The following ADAT2 variants were observed in gnomAD, a reference collection of about 807,000 sequenced individuals.
The protein encoded by ADAT2 is tRNA-specific adenosine-34 deaminase catalytic subunit ADAT2.
In ADAT2, 26 loss-of-function variants were observed where a neutral mutation model predicts 25.9. That is an observed-to-expected ratio of 1.00 (90% confidence interval 0.74 to 1.39). The LOEUF (loss-of-function observed/expected upper bound fraction) is 1.39. Among genes scored for constraint, ADAT2 ranks in the 40% most tolerant of loss-of-function variants. The pLI, the probability that ADAT2 is intolerant of heterozygous loss-of-function variation, is 0.00. For synonymous variants in ADAT2, 76 were observed against 86.8 expected, an observed-to-expected ratio of 0.88 and a Z score of 0.69; for missense variants, 220 against 244.8, an observed-to-expected ratio of 0.90 and a Z score of 0.68.
chr6:143,428,284 T>C lies in ADAT2; in HGVS notation c.*179A>G, dbSNP rs1188616297. Reference sequence around the variant, plus strand: ...TGGAAAAGCTAATAACTGTTTACAATTGTCAGACTTCTAAAAAGTGCTAAT... The same window carrying C: ...TGGAAAAGCTAATAACTGTTTACAACTGTCAGACTTCTAAAAAGTGCTAAT... On this transcript the variant is annotated 3_prime_UTR_variant, in exon 6 of 6. Transcript: ENST00000237283. This position sits in a 1 kb window ranked among gnomAD's most constrained non-coding sequence, Gnocchi z 5.0. 2 of 646,066 alleles carry C rather than the reference T, an allele frequency of 3.1e-6. No individual in the cohort carries two copies. The highest frequency in any genetic ancestry group is 5.3e-6 in the Non-Finnish European group (2 of 377,668). 40.0% of individuals were successfully genotyped at this position (646,066 alleles called of 1,614,324 possible).
At position 143,432,475 on chromosome 6, in the gene ADAT2, G is replaced by A; in HGVS notation, c.459+30C>T. ...ATAAAGAGATGAAAATAATTAGCAAGAAAGAAAAAGCATAAGCAGTTTGTA... is the reference window on the plus strand; with the variant it reads ...ATAAAGAGATGAAAATAATTAGCAAAAAAGAAAAAGCATAAGCAGTTTGTA... On this transcript the variant is annotated intron_variant, in intron 4 of 5. Transcript: ENST00000237283. This position sits in a 1 kb window ranked among gnomAD's most constrained non-coding sequence, Gnocchi z 4.4. 6.3e-7 allele frequency: 1 copy of A among 1,582,252 alleles called. No individual in the cohort carries two copies. Among genetic ancestry groups the A allele is most frequent in the Non-Finnish European group, 8.7e-7 (1 of 1,151,246 alleles).
intron 1 of ADAT2, chr6:143,449,804 G>C (rs559895874): frequency 6.6e-6 from 1 of 152,196 alleles, no homozygotes; most frequent in Non-Finnish European, 1.5e-5. Context: ...ATAGAAACTA[G>C]GGTTGTCTAC....
At chr6:143,448,859 C>A (rs561242704) in intron 1 of ADAT2, among the ~76,000 whole-genome samples, 1 of 152,146 alleles carries the variant, frequency 6.6e-6, no homozygotes, top group East Asian at 1.9e-4. Context: ...AAAAAATCTT[C>A]TAAAAATAAA....
intron 1 of ADAT2, among the ~76,000 whole-genome samples, chr6:143,443,244 A>G (rs1779512717): frequency 6.6e-6 from 1 of 152,028 alleles, no homozygotes; most frequent in African/African-American, 2.4e-5. Flanking sequence ...TCATTTGTTC[A>G]ACAAACATTT....
chr6:143,446,459 T>A lies in ADAT2; in HGVS notation c.96+4104A>T, dbSNP rs1779602966. 6.6e-6 allele frequency among the ~76,000 whole-genome samples: 1 copy of A among 152,188 alleles called. No individual in the cohort carries two copies. Among genetic ancestry groups the A allele is most frequent in the East Asian group, 1.9e-4 (1 of 5,208 alleles). ...TATAAATATTTATATTGCTTCTTTG[T>A]GATTTATTCCTAGAAACAGCTGTAA... On this transcript the variant is annotated intron_variant, in intron 1 of 5. Coordinates refer to ENST00000237283, the MANE Select transcript of ADAT2 (RefSeq NM_182503.3). The surrounding 1 kb of genome is among the most constrained non-coding windows in gnomAD (Gnocchi z 5.0).
Position 143,428,575 on chromosome 6 carries a change from T to C in ADAT2, c.532+37A>G, listed in dbSNP as rs746990786. The C allele has an allele frequency of 6.2e-7, 1 of 1,612,762 alleles. No homozygotes were observed. The highest frequency in any genetic ancestry group is 2.2e-5 in the East Asian group (1 of 44,856). On this transcript the variant is annotated intron_variant, in intron 5 of 5. Coordinates refer to ENST00000237283, the MANE Select transcript of ADAT2 (RefSeq NM_182503.3). The surrounding 1 kb of genome is among the most constrained non-coding windows in gnomAD (Gnocchi z 5.0). ...TCATAGCAGATTCTCTTTGTATGGA[T>C]TTAAGGGAAGGACATTATCCACAAC...
Position 143,450,565 on chromosome 6 carries a change from T to A in ADAT2, c.94A>T (p.Met32Leu). ...CATCTACCTCCCGGGCTCCTCACCA[T>A]GTGCATCGCCTCCTCCATCCACTTT... ...TEKWMEEAMH[M>L]AKEALENTEV... The change falls in exon 1 of 6, where the codon ATG (methionine) becomes TTG (leucine). Residue 32 changes from methionine to leucine, a missense_variant and splice_region_variant. Transcript: ENST00000237283. 1 of 1,614,094 alleles carries A rather than the reference T, an allele frequency of 6.2e-7. No individual in the cohort carries two copies. Among genetic ancestry groups the A allele is most frequent in the African/African-American group, 1.3e-5 (1 of 75,040 alleles).
intron 1 of ADAT2, among the ~76,000 whole-genome samples, chr6:143,445,377 G>T (rs149377046): frequency 6.6e-6 from 1 of 151,998 alleles, no homozygotes; most frequent in East Asian, 1.9e-4. Flanking sequence ...TAGTTTCAGC[G>T]TTCATAGATC....
At chr6:143,443,892 T>C (rs1003414198) in intron 1 of ADAT2, among the ~76,000 whole-genome samples, 1 of 149,706 alleles carries the variant, frequency 6.7e-6, no homozygotes, top group East Asian at 1.9e-4. Context: ...ATGGAGGCCA[T>C]GTGATCAGGA....
intron 1 of ADAT2, among the ~76,000 whole-genome samples, chr6:143,441,015 G>C (rs532843474): frequency 1.3e-5 from 2 of 152,302 alleles, no homozygotes; most frequent in African/African-American, 4.8e-5. Context: ...TGCTGGCTTT[G>C]AAGATGGAGG....
intron 1 of ADAT2, 115 bp from the exon 2 acceptor site, chr6:143,438,809 GT>G: frequency 3.7e-6 from 3 of 808,506 alleles, no homozygotes; most frequent in Non-Finnish European, 4.0e-6. Flanking sequence ...AAACAAAGAA[GT>G]GCAGCCTTCC....
chr6:143,430,271 T>G (rs1779068174), intron 4 of ADAT2, among the ~76,000 whole-genome samples: 1 of 152,184 alleles, frequency 6.6e-6, no homozygotes, highest in South Asian at 2.1e-4. Context: ...TTACGTGGGA[T>G]GAGAGCAGTG....
rs946063798 is a variant in ADAT2, at chr6:143,439,707, A to T, written c.97-1013T>A. 7.2e-5 allele frequency among the ~76,000 whole-genome samples: 11 copies of T among 152,338 alleles called. 2 individuals are homozygous for T. The highest frequency in any genetic ancestry group is 1.9e-4 in the East Asian group (1 of 5,190). ...GGATGTGCAGATTGATTGGGGAGGT[A>T]CACAAAAAAATTTTCTGAGGTGGTG... is the stretch of plus-strand genomic sequence containing the variant. On this transcript the variant is annotated intron_variant, in intron 1 of 5. Transcript: ENST00000237283.
At chr6:143,447,647 C>T (rs1397901299) in intron 1 of ADAT2, among the ~76,000 whole-genome samples, 1 of 150,584 alleles carries the variant, frequency 6.6e-6, no homozygotes, top group Non-Finnish European at 1.5e-5. Flanking sequence ...TTTACATAAC[C>T]AGAAAAAGAA....
intron 3 of ADAT2, among the ~76,000 whole-genome samples, chr6:143,433,258 G>A (rs185908464): frequency 6.6e-6 from 1 of 152,126 alleles, no homozygotes; most frequent in Non-Finnish European, 1.5e-5. Flanking sequence ...AAGATCTTTA[G>A]AAGTCCCTAC....
At chr6:143,430,727 G>A (rs1045790198) in intron 4 of ADAT2, among the ~76,000 whole-genome samples, 6 of 151,808 alleles carry the variant, frequency 4.0e-5, no homozygotes, top group African/African-American at 1.5e-4. Flanking sequence ...CACCATGCCC[G>A]GCTAATTTTT....
At position 143,436,461 on chromosome 6, in the gene ADAT2, G is replaced by C; in HGVS notation, c.201+2129C>G. 1 of 268,514 alleles carries C rather than the reference G, an allele frequency of 3.7e-6. No homozygotes were observed. Among genetic ancestry groups the C allele is most frequent in the Non-Finnish European group, 7.6e-6 (1 of 130,808 alleles). The allele number at this position is 268,514 out of a possible 1,614,324, so 16.6% of individuals were successfully genotyped here. A position where few individuals can be genotyped will look rare whatever the true frequency, so the allele number is the denominator to read the frequency against. ...ACATCCCATCCGCAGGACTAAAAAC[G>C]TCCACCACTTTCATCAGTAACAACA... On this transcript the variant is annotated intron_variant, in intron 2 of 5. Transcript: ENST00000237283. The surrounding 1 kb of genome is among the most constrained non-coding windows in gnomAD (Gnocchi z 4.1).
Position 143,443,983 on chromosome 6 carries a change from G to A in ADAT2, c.97-5289C>T, listed in dbSNP as rs566713706. Among the ~76,000 whole-genome samples, 6 of 152,248 alleles carry A rather than the reference G, an allele frequency of 3.9e-5. No homozygotes were observed. The East Asian group carries it at 5.8e-4, about 15-fold the overall frequency. On this transcript the variant is annotated intron_variant, in intron 1 of 5. Coordinates refer to ENST00000237283, the MANE Select transcript of ADAT2 (RefSeq NM_182503.3). ...AACCTGCAGAAGAGAATGCAGGGCC[G>A]AGTGGAAAGGACGTGAGTGGGATGG...
intron 4 of ADAT2, among the ~76,000 whole-genome samples, chr6:143,431,914 T>C (rs1779126586): frequency 6.6e-6 from 1 of 152,140 alleles, no homozygotes; most frequent in South Asian, 2.1e-4. Context: ...ATAAAAACTT[T>C]GGGAGAAGTG....
Sources: gnomAD v4.1 joint callset for allele counts (sites outside exome capture counted in the v4.1 genomes callset) on GRCh38, gnomAD v4.1.1 for gene constraint, Gnocchi (gnomAD v3.1) non-coding constraint, MANE v1.5 for transcripts, NCBI Gene and HGNC (gene_info 2026-07-23, HGNC 2026-07-21) for gene names.